GPC6: variants seen among roughly 807,000 people sequenced by gnomAD.
GPC6 encodes the protein glypican 6.
Under a neutral mutation model 55.2 loss-of-function variants are expected in GPC6, and 14 were observed. That is an observed-to-expected ratio of 0.25 (90% CI 0.17 to 0.40). The LOEUF (loss-of-function observed/expected upper bound fraction) is 0.40. GPC6 is among the 10% of genes least tolerant of loss of function. GPC6 has a pLI of 1.00. For synonymous variants in GPC6, 278 were observed against 259.6 expected (o/e 1.07, Z -0.68); for missense variants, 641 against 708.5 (o/e 0.90, Z 1.08).
intron 1 of GPC6, among the ~76,000 whole-genome samples, chr13:93,457,066 A>T (rs182297663): frequency 1.5e-3 from 230 of 152,276 alleles, no homozygotes; most frequent in South Asian, 5.0e-3. Context: ...CCCTGTGAAG[A>T]GGCACCTTCT....
intron 4 of GPC6, among the ~76,000 whole-genome samples, chr13:94,218,894 C>T (rs1566557378): frequency 1.3e-5 from 2 of 152,108 alleles, no homozygotes; most frequent in Non-Finnish European, 2.9e-5. Context: ...ATAAGCATCA[C>T]AGTTTATTCT....
At chr13:94,357,093 C>A (rs2139175655) in intron 6 of GPC6, among the ~76,000 whole-genome samples, 1 of 152,280 alleles carries the variant, frequency 6.6e-6, no homozygotes, top group South Asian at 2.1e-4. Flanking sequence ...TGGACCCCAC[C>A]TGGGCTGTTC....
Position 93,231,412 on chromosome 13 carries a change from T to C in GPC6, c.160+3796T>C, listed in dbSNP as rs1489177971. 2.1e-4 allele frequency among the ~76,000 whole-genome samples: 9 copies of C among 43,360 alleles called. No homozygotes were observed. The South Asian group carries it at 3.3e-3, about 16-fold the overall frequency. The allele number at this position is 43,360 out of a possible 152,430, so 28.4% of individuals were successfully genotyped here. A position where few individuals can be genotyped will look rare whatever the true frequency, so the allele number is the denominator to read the frequency against. ...ATATATATATGTATATATATATATA[T>C]ATATATATATACGTATATATATATA... On this transcript the variant is annotated intron_variant, in intron 1 of 8. Coordinates refer to ENST00000377047, the MANE Select transcript of GPC6 (RefSeq NM_005708.5).
chr13:93,839,446 G>A (rs1594509325), intron 3 of GPC6, among the ~76,000 whole-genome samples: 1 of 152,148 alleles, frequency 6.6e-6, no homozygotes, highest in African/African-American at 2.4e-5. Flanking sequence ...GTACTCAATA[G>A]GATCAGGTAT....
chr13:94,293,893 T>C (rs541779873), intron 5 of GPC6, among the ~76,000 whole-genome samples: 1 of 152,250 alleles, frequency 6.6e-6, no homozygotes, highest in African/African-American at 2.4e-5. Flanking sequence ...GAGCCAGCCA[T>C]TTAAGGGAGG....
At chr13:93,867,895 G>C (rs991431) in intron 3 of GPC6, among the ~76,000 whole-genome samples, 57,628 of 151,550 alleles carry the variant, frequency 0.38, 11,818 homozygotes, top group African/African-American at 0.54. Context: ...TGGGACCCAG[G>C]TCCAAAGCCT....
At chr13:93,556,587 A>C (rs1875494783) in intron 2 of GPC6, among the ~76,000 whole-genome samples, 1 of 151,792 alleles carries the variant, frequency 6.6e-6, no homozygotes, top group Non-Finnish European at 1.5e-5. Flanking sequence ...GTTAAGTTAC[A>C]GTTGACTATA....
intron 1 of GPC6, among the ~76,000 whole-genome samples, chr13:93,358,701 T>A (rs993160573): frequency 3.9e-5 from 6 of 152,138 alleles, no homozygotes; most frequent in African/African-American, 1.2e-4. Flanking sequence ...AAAGAAAAAA[T>A]TTTGGAAGAT....
At chr13:93,885,548 A>G (rs4111535) in intron 3 of GPC6, among the ~76,000 whole-genome samples, 45,892 of 150,474 alleles carry the variant, frequency 0.3, 7,164 homozygotes, top group Non-Finnish European at 0.32. Flanking sequence ...TAAGATTGAC[A>G]TAATAATACA....
intron 3 of GPC6, among the ~76,000 whole-genome samples, chr13:93,877,068 T>G (rs558753885): frequency 6.6e-6 from 1 of 152,098 alleles, no homozygotes; most frequent in Non-Finnish European, 1.5e-5. Context: ...TATATCTTCC[T>G]GAGGGAAATA....
chr13:93,695,451 T>C (rs1054304966), intron 2 of GPC6, among the ~76,000 whole-genome samples: 2 of 151,972 alleles, frequency 1.3e-5, no homozygotes, highest in Admixed American at 6.6e-5. Context: ...TATTAAATAT[T>C]ATAATTTAAA....
intron 4 of GPC6, among the ~76,000 whole-genome samples, chr13:94,089,350 G>A (rs1046955973): frequency 8.5e-5 from 13 of 152,146 alleles, no homozygotes; most frequent in Non-Finnish European, 1.3e-4. Context: ...AAGAGAGAGA[G>A]ATGTCTGTGA....
chr13:94,093,398 G>A (rs1299960455), intron 4 of GPC6, among the ~76,000 whole-genome samples: 1 of 151,956 alleles, frequency 6.6e-6, no homozygotes, highest in African/African-American at 2.4e-5. Flanking sequence ...CATGGTTTTT[G>A]AAGGTTAATT....
At chr13:93,231,380 C>CATATATATATATATATATATATATATAT (rs1204996148) in intron 1 of GPC6, among the ~76,000 whole-genome samples, 2 of 30,930 alleles carry the variant, frequency 6.5e-5, no homozygotes, top group African/African-American at 1.3e-4. Flanking sequence ...TATATATATA[C>CATATATATATATATATATATATATATAT]ATATATATAT....
chr13:93,248,621 A>G (rs1594051721), intron 1 of GPC6, among the ~76,000 whole-genome samples: 1 of 152,164 alleles, frequency 6.6e-6, no homozygotes, highest in Non-Finnish European at 1.5e-5. Flanking sequence ...GTCCTAAGCC[A>G]TAAGCCTGAA....
At chr13:94,245,624 A>G (rs189297531) in intron 4 of GPC6, among the ~76,000 whole-genome samples, 9 of 152,128 alleles carry the variant, frequency 5.9e-5, no homozygotes, top group Admixed American at 1.3e-4. Context: ...TTCTTTCTAT[A>G]TCTGGCTTAT....
At chr13:93,231,209 C>G (rs1303181741) in intron 1 of GPC6, among the ~76,000 whole-genome samples, 1 of 151,072 alleles carries the variant, frequency 6.6e-6, no homozygotes, top group African/African-American at 2.4e-5. Flanking sequence ...CCCAGGCACT[C>G]TGACTCCAGG....
At chr13:94,326,137 T>G (rs11843105) in intron 6 of GPC6, among the ~76,000 whole-genome samples, 8,370 of 152,000 alleles carry the variant, frequency 0.055, 749 homozygotes, top group African/African-American at 0.18. Context: ...ATGAAATAAC[T>G]AAAATCACTT....
At chr13:94,124,532 G>T (rs538142150) in intron 4 of GPC6, among the ~76,000 whole-genome samples, 5 of 151,972 alleles carry the variant, frequency 3.3e-5, no homozygotes, top group Admixed American at 6.6e-5. Flanking sequence ...GCAGTAAAGG[G>T]GGTGAAAAAG....
Sources: allele counts gnomAD v4.1 joint callset (sites outside exome capture counted in the v4.1 genomes callset), GRCh38; gene constraint gnomAD v4.1.1; transcripts MANE v1.5; gene names NCBI Gene and HGNC (gene_info 2026-07-23, HGNC 2026-07-21).